Variants in FIP1L1 observed in about 807,000 individuals in gnomAD.
The protein encoded by FIP1L1 is factor interacting with PAPOLA and CPSF1.
A neutral mutation model predicts 84.6 loss-of-function variants in FIP1L1; 21 were observed. That is an observed-to-expected ratio of 0.25 (90% CI 0.18 to 0.36). The LOEUF is 0.36. Among genes scored for constraint, FIP1L1 ranks in the 10% least tolerant of loss-of-function variants. The pLI is 1.00. For synonymous variants in FIP1L1, 263 were observed against 242.3 expected (o/e 1.09, Z -0.80); for missense variants, 526 against 751.1 (o/e 0.70, Z 3.50).
chr4:53,389,469 T>C (rs1395120324), intron 5 of FIP1L1, among the ~76,000 whole-genome samples: 1 of 151,844 alleles, frequency 6.6e-6, no homozygotes, highest in East Asian at 1.9e-4. Flanking sequence ...TTTTTTTTAC[T>C]GTTTTTGCCT....
chr4:53,440,387 G>A (rs774875723), intron 13 of FIP1L1, among the ~76,000 whole-genome samples: 2 of 151,930 alleles, frequency 1.3e-5, no homozygotes, highest in Admixed American at 6.6e-5. Flanking sequence ...GTTAGACTGG[G>A]TTTTCATCAA....
intron 9 of FIP1L1, among the ~76,000 whole-genome samples, chr4:53,394,338 C>CA (rs780507314): frequency 1.3e-5 from 2 of 152,162 alleles, no homozygotes; most frequent in Non-Finnish European, 2.9e-5. Flanking sequence ...CGGTGGGCTG[C>CA]TAAAATTGAT....
intron 5 of FIP1L1, among the ~76,000 whole-genome samples, chr4:53,384,178 G>A (rs1320449966): frequency 6.6e-6 from 1 of 152,158 alleles, no homozygotes; most frequent in Non-Finnish European, 1.5e-5. Flanking sequence ...GGAGGCCGAG[G>A]CGGGTGAATC....
At chr4:53,408,827 C>T (rs2149657992) in intron 10 of FIP1L1, among the ~76,000 whole-genome samples, 1 of 152,310 alleles carries the variant, frequency 6.6e-6, no homozygotes, top group Middle Eastern at 3.4e-3. Flanking sequence ...AGTTCTCAAG[C>T]CTTGGTTTTC....
At chr4:53,383,666 CAGA>C in intron 4 of FIP1L1, 104 bp from the exon 5 acceptor site, 1 of 1,115,580 alleles carries the variant, frequency 9.0e-7, no homozygotes, top group Non-Finnish European at 1.2e-6. Context: ...TGTCTCAAGA[CAGA>C]AGAAAGAAAA....
At chr4:53,438,739 T>G (rs1395823625) in intron 13 of FIP1L1, among the ~76,000 whole-genome samples, 1 of 152,228 alleles carries the variant, frequency 6.6e-6, no homozygotes, top group Non-Finnish European at 1.5e-5. Flanking sequence ...GTAATGTACT[T>G]AATTCTTTGG....
At chr4:53,391,879 G>A (rs1374037189) in intron 9 of FIP1L1, among the ~76,000 whole-genome samples, 1 of 152,092 alleles carries the variant, frequency 6.6e-6, no homozygotes, top group Non-Finnish European at 1.5e-5. Context: ...GGTAAGGAAG[G>A]TGGCATACTG....
intron 11 of FIP1L1, among the ~76,000 whole-genome samples, chr4:53,419,123 T>G (rs1371085871): frequency 1.3e-5 from 2 of 152,236 alleles, no homozygotes; most frequent in Admixed American, 6.5e-5. Context: ...ATATGGAAGG[T>G]AGAGCTTTAT....
rs371030839 is a variant in FIP1L1 at position 53,434,913 on chromosome 4, G to T, written c.1174+6730G>T. ...TTGGATGAATATTATCAGTGCCCTT[G>T]AGGAAGTACACTTTTATCCCTTTAA... On this transcript the variant is annotated intron_variant, in intron 13 of 17. Transcript: ENST00000337488. 2.0e-5 allele frequency among the ~76,000 whole-genome samples: 3 copies of T among 152,274 alleles called. No homozygotes were observed. The East Asian group carries it at 5.8e-4, about 29-fold the overall frequency.
chr4:53,430,339 T>C (rs1766030748), intron 13 of FIP1L1, among the ~76,000 whole-genome samples: 1 of 145,880 alleles, frequency 6.9e-6, no homozygotes, highest in African/African-American at 2.5e-5. Flanking sequence ...ATGATAAAAT[T>C]ACTTTTTTTT....
At chr4:53,380,982 A>G (rs1304648301) in intron 3 of FIP1L1, among the ~76,000 whole-genome samples, 6 of 152,182 alleles carry the variant, frequency 3.9e-5, no homozygotes, top group African/African-American at 1.4e-4. Flanking sequence ...TCCGCAATAC[A>G]CAACTTGCTA....
chr4:53,451,279 A>G (rs1244568795), intron 15 of FIP1L1, among the ~76,000 whole-genome samples: 1 of 146,352 alleles, frequency 6.8e-6, no homozygotes, highest in Admixed American at 6.8e-5. Flanking sequence ...CCTGAAAGCT[A>G]CTCATTTTCG....
chr4:53,460,777 G>A lies in FIP1L1; in HGVS notation c.*1328G>A, dbSNP rs932416738. On this transcript the variant is annotated 3_prime_UTR_variant, in exon 18 of 18. Coordinates refer to ENST00000337488, the MANE Select transcript of FIP1L1 (RefSeq NM_030917.4). ...GAGGTGTAACTGGCTTTCATTAGATGATCATACTTTTCCTGACATTTTTAC... is the reference window on the plus strand; with the variant it reads ...GAGGTGTAACTGGCTTTCATTAGATAATCATACTTTTCCTGACATTTTTAC... 3 of 949,994 alleles carry A rather than the reference G, an allele frequency of 3.2e-6. No individual in the cohort carries two copies. Among genetic ancestry groups the A allele is most frequent in the African/African-American group, 3.5e-5 (2 of 57,218 alleles). The allele number at this position is 949,994 out of a possible 1,614,324, so 58.8% of individuals were successfully genotyped here. A position where few individuals can be genotyped will look rare whatever the true frequency, so the allele number is the denominator to read the frequency against.
intron 13 of FIP1L1, among the ~76,000 whole-genome samples, chr4:53,441,376 A>G (rs1771861377): frequency 6.6e-6 from 1 of 151,914 alleles, no homozygotes; most frequent in African/African-American, 2.4e-5. Flanking sequence ...ATACATACTT[A>G]GATGTGGAAT....
chr4:53,400,052 G>GT (rs1354433827), intron 10 of FIP1L1, among the ~76,000 whole-genome samples: 1 of 152,188 alleles, frequency 6.6e-6, no homozygotes, highest in Non-Finnish European at 1.5e-5. Context: ...GCGGTATATA[G>GT]TTTTGTGTAT....
At chr4:53,433,893 T>C (rs1334227505) in intron 13 of FIP1L1, among the ~76,000 whole-genome samples, 1 of 152,134 alleles carries the variant, frequency 6.6e-6, no homozygotes, top group East Asian at 1.9e-4. Flanking sequence ...AACTTTAAAA[T>C]CTTATTTATT....
chr4:53,421,705 T>G (rs1055930535), intron 11 of FIP1L1, among the ~76,000 whole-genome samples: 1 of 152,226 alleles, frequency 6.6e-6, no homozygotes, highest in African/African-American at 2.4e-5. Flanking sequence ...CATTCATAGA[T>G]GTCTACATTG....
In FIP1L1 at chr4:53,400,917, A is replaced by G. The variant is rs558681462; in HGVS notation, c.815+1078A>G. Among the ~76,000 whole-genome samples the G allele has an allele frequency of 3.3e-5, 5 of 152,300 alleles. No individual in the cohort carries two copies. In the East Asian group the frequency reaches 9.6e-4, roughly 29 times the overall value. ...TCTTTTGGCTTATACATTTTTTAAGAGGTTAACTTTCATTCATTGAGTTTA... is the reference window on the plus strand; with the variant it reads ...TCTTTTGGCTTATACATTTTTTAAGGGGTTAACTTTCATTCATTGAGTTTA... On this transcript the variant is annotated intron_variant, in intron 10 of 17. Transcript: ENST00000337488.
intron 10 of FIP1L1, among the ~76,000 whole-genome samples, chr4:53,407,922 C>CA (rs1754638834): frequency 6.6e-6 from 1 of 152,126 alleles, no homozygotes; most frequent in East Asian, 1.9e-4. Context: ...GAATACAGCA[C>CA]ACTGATGGGT....
Sources: allele counts gnomAD v4.1 joint callset (sites outside exome capture counted in the v4.1 genomes callset), GRCh38; gene constraint gnomAD v4.1.1; transcripts MANE v1.5; gene names NCBI Gene and HGNC (gene_info 2026-07-23, HGNC 2026-07-21).